PIK3C2A: variants seen among roughly 807,000 people sequenced by gnomAD.
The protein encoded by PIK3C2A is phosphatidylinositol-4-phosphate 3-kinase catalytic subunit type 2 alpha, also known as phosphatidylinositol 4-phosphate 3-kinase C2 domain-containing subunit alpha.
Under a neutral mutation model 204.5 loss-of-function variants are expected in PIK3C2A, and 97 were observed. The ratio of observed to expected loss-of-function variants is 0.47; its 90% CI spans 0.40 to 0.56. The LOEUF (loss-of-function observed/expected upper bound fraction) is 0.56. Ranked by LOEUF, PIK3C2A falls within the 20% of genes least tolerant of loss-of-function variation. PIK3C2A has a pLI of 0.00. For missense variants in PIK3C2A, 1,735 were observed against 1,969.2 expected, an observed-to-expected ratio of 0.88 and a Z score of 2.25; for synonymous variants, 653 against 664.4, an observed-to-expected ratio of 0.98 and a Z score of 0.26.
intron 1 of PIK3C2A, among the ~76,000 whole-genome samples, chr11:17,205,027 C>T (rs530204535): frequency 6.7e-6 from 1 of 150,198 alleles, no homozygotes; most frequent in African/African-American, 2.5e-5. Flanking sequence ...AAATACAAAA[C>T]TTAGGTGGGT....
At chr11:17,153,518 A>G (rs1850486131) in intron 3 of PIK3C2A, among the ~76,000 whole-genome samples, 1 of 152,196 alleles carries the variant, frequency 6.6e-6, no homozygotes, top group Non-Finnish European at 1.5e-5. Flanking sequence ...GTGTAAAAGG[A>G]AAGAAATAGG....
chr11:17,113,918 A>G (rs572499492), intron 20 of PIK3C2A, among the ~76,000 whole-genome samples: 6 of 151,008 alleles, frequency 4.0e-5, no homozygotes, highest in East Asian at 3.9e-4. Context: ...CATCTCTACT[A>G]AAAATACAAA....
At chr11:17,156,295 G>A (rs1006493199) in intron 2 of PIK3C2A, among the ~76,000 whole-genome samples, 3 of 152,154 alleles carry the variant, frequency 2.0e-5, no homozygotes, top group African/African-American at 7.2e-5. Flanking sequence ...AATTAGAATT[G>A]GAACATTCTC....
chr11:17,166,756 C>G (rs1850965915), intron 2 of PIK3C2A, among the ~76,000 whole-genome samples: 1 of 152,176 alleles, frequency 6.6e-6, no homozygotes, highest in Non-Finnish European at 1.5e-5. Context: ...CCTTCCCAAA[C>G]AACTATAAAC....
chr11:17,148,026 T>G (rs1035993870), intron 5 of PIK3C2A, among the ~76,000 whole-genome samples: 5 of 152,008 alleles, frequency 3.3e-5, no homozygotes, highest in Non-Finnish European at 5.9e-5. Context: ...GAGACCAGCC[T>G]GACCAACAGG....
intron 24 of PIK3C2A, among the ~76,000 whole-genome samples, chr11:17,101,672 A>C (rs571094720): frequency 1.1e-3 from 161 of 145,264 alleles, no homozygotes; most frequent in East Asian, 1.2e-3. Flanking sequence ...GGCGCGATCT[A>C]GGCTCACTGC....
At chr11:17,179,064 C>T (rs1851443436) in intron 1 of PIK3C2A, among the ~76,000 whole-genome samples, 1 of 151,986 alleles carries the variant, frequency 6.6e-6, no homozygotes, top group African/African-American at 2.4e-5. Context: ...GGGGTTTCAC[C>T]ACGTTGGTCA....
chr11:17,200,173 G>A (rs984164362), intron 1 of PIK3C2A, among the ~76,000 whole-genome samples: 1 of 147,604 alleles, frequency 6.8e-6, no homozygotes, highest in South Asian at 2.3e-4. Flanking sequence ...GCGACAGAGC[G>A]AGACTGCATT....
chr11:17,183,905 G>T (rs1045050282), intron 1 of PIK3C2A, among the ~76,000 whole-genome samples: 1 of 146,760 alleles, frequency 6.8e-6, no homozygotes, highest in Non-Finnish European at 1.5e-5. Flanking sequence ...AGCAGTTTGA[G>T]ACCAACCTGA....
chr11:17,111,935 C>A (rs1187810491), intron 21 of PIK3C2A, among the ~76,000 whole-genome samples: 3 of 144,154 alleles, frequency 2.1e-5, no homozygotes, highest in Admixed American at 6.9e-5. Flanking sequence ...ACATAAAATT[C>A]TTGTATTCAA....
chr11:17,148,595 TG>T, intron 5 of PIK3C2A, 71 bp downstream of exon 5: 2 of 1,368,272 alleles, frequency 1.5e-6, no homozygotes, highest in Non-Finnish European at 2.0e-6. Flanking sequence ...AAATTTAACT[TG>T]AAATTTTTCT....
At chr11:17,170,545 C>G (rs983427847) in intron 1 of PIK3C2A, among the ~76,000 whole-genome samples, 5 of 152,140 alleles carry the variant, frequency 3.3e-5, no homozygotes, top group African/African-American at 1.2e-4. Context: ...CAAAATTTCT[C>G]CTTTTCAAAA....
chr11:17,204,030 C>T (rs897723382), intron 1 of PIK3C2A, among the ~76,000 whole-genome samples: 4 of 151,628 alleles, frequency 2.6e-5, no homozygotes, highest in South Asian at 2.1e-4. Flanking sequence ...GCGGAGATCA[C>T]GCCACTGCAC....
chr11:17,101,771 T>TTTTG (rs369056945), intron 24 of PIK3C2A, among the ~76,000 whole-genome samples: 9 of 138,320 alleles, frequency 6.5e-5, no homozygotes, highest in Non-Finnish European at 1.2e-4. Flanking sequence ...GCCCGGCTAA[T>TTTTG]TTTTTGTATT....
intron 1 of PIK3C2A, among the ~76,000 whole-genome samples, chr11:17,178,092 CAAAAAAA>C (rs750346823): frequency 1.1e-3 from 71 of 64,120 alleles, no homozygotes; most frequent in East Asian, 2.8e-3. Context: ...GACTCCATCT[CAAAAAAA>C]AAAAAAAAAA....
rs1055142925 is a variant in PIK3C2A, at chr11:17,104,426, T to C, written c.3681+743A>G. 5.3e-5 allele frequency among the ~76,000 whole-genome samples: 8 copies of C among 152,236 alleles called. No homozygotes were observed. In the South Asian group the frequency reaches 1.2e-3, roughly 24 times the overall value. On this transcript the variant is annotated intron_variant, in intron 23 of 32. Coordinates refer to ENST00000691414, the MANE Select transcript of PIK3C2A (RefSeq NM_002645.4). Reference sequence around the variant, plus strand: ...AGCAGAGGTCACTGAGGCACAAAGATGTTAAATAATCTGCATAGGTCAGGT... The same window carrying C: ...AGCAGAGGTCACTGAGGCACAAAGACGTTAAATAATCTGCATAGGTCAGGT...
At chr11:17,197,902 A>C (rs1852216829) in intron 1 of PIK3C2A, among the ~76,000 whole-genome samples, 1 of 152,194 alleles carries the variant, frequency 6.6e-6, no homozygotes, top group Non-Finnish European at 1.5e-5. Context: ...AGAAACCCTG[A>C]ATAGTGAATA....
At chr11:17,119,442 G>A (rs909249170) in intron 16 of PIK3C2A, 129 bp from the exon 17 acceptor site, 1 of 661,434 alleles carries the variant, frequency 1.5e-6, no homozygotes, top group African/African-American at 1.9e-5. Flanking sequence ...CAAAAGCAAT[G>A]TATTTCTTCT....
intron 1 of PIK3C2A, among the ~76,000 whole-genome samples, chr11:17,185,558 G>C (rs549716794): frequency 1.2e-4 from 18 of 152,290 alleles, no homozygotes; most frequent in African/African-American, 4.3e-4. Context: ...ACTATAGTAA[G>C]ATATTACAAT....
Sources: allele counts gnomAD v4.1 joint callset (sites outside exome capture counted in the v4.1 genomes callset), GRCh38; gene constraint gnomAD v4.1.1; transcripts MANE v1.5; gene names NCBI Gene and HGNC (gene_info 2026-07-23, HGNC 2026-07-21).